MARCHF1: variants seen among roughly 807,000 people sequenced by gnomAD.
The protein encoded by MARCHF1 is E3 ubiquitin-protein ligase MARCHF1.
MARCHF1 carries 40 observed loss-of-function variants against 54.2 expected under a neutral mutation model. That is an observed-to-expected ratio of 0.74 (90% CI 0.57 to 0.96). The LOEUF is 0.96. Among genes scored for constraint, MARCHF1 ranks in the 40% least tolerant of loss-of-function variants. The pLI is 0.00. For missense variants in MARCHF1, 586 were observed against 656.5 expected, an observed-to-expected ratio of 0.89 and a Z score of 1.17; for synonymous variants, 236 against 236.3, an observed-to-expected ratio of 1.00 and a Z score of 0.01.
intron 3 of MARCHF1, among the ~76,000 whole-genome samples, chr4:163,874,129 G>A (rs1484723627): frequency 6.6e-6 from 1 of 152,152 alleles, no homozygotes; most frequent in Non-Finnish European, 1.5e-5. Flanking sequence ...AGAGATAGAG[G>A]CACTAAAGCA....
At position 163,525,571 on chromosome 4, in the gene MARCHF1, C is replaced by A. The variant is rs147011953; in HGVS notation, c.*3177G>T. The A allele has an allele frequency of 5.2e-4, 79 of 152,136 alleles. No homozygotes were observed. The highest frequency in any genetic ancestry group is 1.7e-3 in the African/African-American group (71 of 41,542). The allele number at this position is 152,136 out of a possible 1,614,324, so 9.4% of individuals were successfully genotyped here. The stretch of plus-strand genomic sequence containing the variant: ...GAATTTCTTTCTTTTACAATTTAAT[C>A]TTTACTCCTGTACGATAAGAGTGAT... On this transcript the variant is annotated 3_prime_UTR_variant, in exon 10 of 10. Coordinates refer to ENST00000514618, the MANE Select transcript of MARCHF1 (RefSeq NM_001394959.1).
At chr4:164,292,412 T>C (rs1026341874) in intron 1 of MARCHF1, among the ~76,000 whole-genome samples, 1 of 152,190 alleles carries the variant, frequency 6.6e-6, no homozygotes, top group East Asian at 1.9e-4. Context: ...AGTTCTACTA[T>C]TGACTCCAAG....
Position 163,528,715 on chromosome 4 carries a change from A to C in MARCHF1, c.*33T>G. 1 of 1,570,544 alleles carries C rather than the reference A, an allele frequency of 6.4e-7. No individual in the cohort carries two copies. Among genetic ancestry groups the C allele is most frequent in the East Asian group, 2.2e-5 (1 of 44,526 alleles). On this transcript the variant is annotated 3_prime_UTR_variant, in exon 10 of 10. Coordinates refer to ENST00000514618, the MANE Select transcript of MARCHF1 (RefSeq NM_001394959.1). Reference sequence around the variant, plus strand: ...TGTAGTGGCTGAGGGCTAGAAAGATATTCTTCGGTGAAGAAACTCCCAACA... The same window carrying C: ...TGTAGTGGCTGAGGGCTAGAAAGATCTTCTTCGGTGAAGAAACTCCCAACA...
At position 164,343,902 on chromosome 4, in the gene MARCHF1, C is replaced by G. The variant is rs575415280; in HGVS notation, c.-323+39968G>C. ...TATACTCAAAGGAATATAAACAGTT[C>G]TACCATAAAGACACATACACACATA... On this transcript the variant is annotated intron_variant, in intron 1 of 9. Coordinates refer to ENST00000514618, the MANE Select transcript of MARCHF1 (RefSeq NM_001394959.1). Among the ~76,000 whole-genome samples, 6 of 152,270 alleles carry G rather than the reference C, an allele frequency of 3.9e-5. No individual in the cohort carries two copies. The East Asian group carries it at 1.2e-3, about 29-fold the overall frequency.
intron 4 of MARCHF1, among the ~76,000 whole-genome samples, chr4:163,748,357 G>A (rs1746421339): frequency 1.3e-5 from 2 of 149,778 alleles, no homozygotes; most frequent in Admixed American, 6.7e-5. Flanking sequence ...ACTATTCTAG[G>A]TCCTTTGTAT....
rs186409657 is a variant in MARCHF1, at chr4:163,841,608, A to G, written c.111+12413T>C. ...TTCTCACATAGTCAGAGGCAGTAAT[A>G]ACATCAGCAATTTTATGCCCATTGG... is the stretch of plus-strand genomic sequence containing the variant. On this transcript the variant is annotated intron_variant, in intron 4 of 9. Transcript: ENST00000514618. Among the ~76,000 whole-genome samples the G allele has an allele frequency of 4.4e-3, 674 of 152,222 alleles. 1 individual carries two copies. Among genetic ancestry groups the G allele is most frequent in the Non-Finnish European group, 7.9e-3 (534 of 67,996 alleles).
At chr4:164,185,409 A>C (rs1730940657) in intron 1 of MARCHF1, among the ~76,000 whole-genome samples, 1 of 152,186 alleles carries the variant, frequency 6.6e-6, no homozygotes, top group Admixed American at 6.5e-5. Flanking sequence ...TTCTTTCCAC[A>C]CTTAACCAGT....
At chr4:163,644,933 C>A (rs145506865) in intron 5 of MARCHF1, among the ~76,000 whole-genome samples, 81 of 152,260 alleles carry the variant, frequency 5.3e-4, no homozygotes, top group African/African-American at 1.9e-3. Flanking sequence ...AAGAGACATA[C>A]CCCAGAGATA....
At chr4:164,343,275 T>C (rs1161866977) in intron 1 of MARCHF1, among the ~76,000 whole-genome samples, 3 of 152,120 alleles carry the variant, frequency 2.0e-5, no homozygotes, top group Non-Finnish European at 4.4e-5. Flanking sequence ...TTTTTACTTG[T>C]CAATCATACC....
intron 4 of MARCHF1, among the ~76,000 whole-genome samples, chr4:163,806,806 G>A (rs1341109603): frequency 5.3e-5 from 8 of 151,988 alleles, no homozygotes; most frequent in Admixed American, 2.0e-4. Context: ...GCCCACCTTA[G>A]TCCAAAACAG....
chr4:164,244,201 T>G (rs1365057461), intron 1 of MARCHF1, among the ~76,000 whole-genome samples: 3 of 147,960 alleles, frequency 2.0e-5, no homozygotes, highest in South Asian at 2.1e-4. Flanking sequence ...GACCATATAC[T>G]GGGAAGTAAA....
intron 8 of MARCHF1, among the ~76,000 whole-genome samples, chr4:163,552,352 T>C (rs1739133581): frequency 6.6e-6 from 1 of 152,204 alleles, no homozygotes; most frequent in African/African-American, 2.4e-5. Flanking sequence ...AGCTACCATC[T>C]TGAGACAGTG....
rs1031554737 is a variant in MARCHF1 at position 163,963,918 on chromosome 4, C to T, written c.-39+24583G>A. ...TCTAGCTCCAGCTACAATCCCACTG[C>T]AACAGTAAGAGACCTTATGCAAGAA... is the stretch of plus-strand genomic sequence containing the variant. On this transcript the variant is annotated intron_variant, in intron 3 of 9. Coordinates refer to ENST00000514618, the MANE Select transcript of MARCHF1 (RefSeq NM_001394959.1). Among the ~76,000 whole-genome samples the T allele has an allele frequency of 3.9e-5, 6 of 152,058 alleles. No individual in the cohort carries two copies. In the East Asian group the frequency reaches 9.7e-4, roughly 25 times the overall value.
intron 1 of MARCHF1, chr4:164,188,598 A>G (rs1731039729): frequency 2.3e-6 from 2 of 853,906 alleles, no homozygotes; most frequent in African/African-American, 1.7e-5. Context: ...GAAGGGGAAT[A>G]TCTGATCGGC....
chr4:164,091,662 G>A (rs1480925285), intron 2 of MARCHF1, among the ~76,000 whole-genome samples: 2 of 151,860 alleles, frequency 1.3e-5, no homozygotes, highest in African/African-American at 2.4e-5. Flanking sequence ...CTATCTACAA[G>A]TAGTTTATAG....
intron 1 of MARCHF1, among the ~76,000 whole-genome samples, chr4:164,129,224 G>C (rs1232906443): frequency 1.3e-5 from 2 of 152,110 alleles, no homozygotes; most frequent in African/African-American, 4.8e-5. Context: ...GATTAAGAAG[G>C]AGGAAGAAGG....
At chr4:164,074,354 C>G (rs1280462679) in intron 2 of MARCHF1, among the ~76,000 whole-genome samples, 1 of 152,112 alleles carries the variant, frequency 6.6e-6, no homozygotes. Flanking sequence ...TGCTCTCATT[C>G]AAGTGGTTGG....
intron 1 of MARCHF1, among the ~76,000 whole-genome samples, chr4:164,333,445 T>G (rs1201906367): frequency 6.6e-6 from 1 of 152,198 alleles, no homozygotes; most frequent in Non-Finnish European, 1.5e-5. Context: ...TCACAATATT[T>G]TAAATGATTT....
At chr4:163,531,959 T>A (rs557781615) in intron 9 of MARCHF1, among the ~76,000 whole-genome samples, 1 of 151,988 alleles carries the variant, frequency 6.6e-6, no homozygotes, top group South Asian at 2.1e-4. Context: ...CTGAATGAAA[T>A]AAGATGTTCC....
Sources: gnomAD v4.1 joint callset for allele counts (sites outside exome capture counted in the v4.1 genomes callset) on GRCh38, gnomAD v4.1.1 for gene constraint, MANE v1.5 for transcripts, NCBI Gene and HGNC (gene_info 2026-07-23, HGNC 2026-07-21) for gene names.